Variants in GRID1 observed in about 807,000 individuals in gnomAD.
The protein encoded by GRID1 is glutamate receptor ionotropic, delta-1.
A neutral mutation model predicts 98.0 loss-of-function variants in GRID1; 28 were observed. The ratio of observed to expected loss-of-function variants is 0.29; its 90% CI spans 0.21 to 0.39. The LOEUF is 0.39. Among genes scored for constraint, GRID1 ranks in the 10% least tolerant of loss-of-function variants. The pLI, the probability that GRID1 is intolerant of heterozygous loss-of-function variation, is 1.00. For synonymous variants in GRID1, 553 were observed against 538.5 expected, an observed-to-expected ratio of 1.03 and a Z score of -0.37; for missense variants, 1,111 against 1,340.5, an observed-to-expected ratio of 0.83 and a Z score of 2.67.
At chr10:85,712,923 CCTCT>C (rs1194725293) in intron 12 of GRID1, among the ~76,000 whole-genome samples, 1 of 151,366 alleles carries the variant, frequency 6.6e-6, no homozygotes, top group East Asian at 1.9e-4. Context: ...AGCAAGAGCC[CCTCT>C]AAGAAGGAAG....
chr10:85,999,662 A>G (rs1842782466), intron 4 of GRID1, among the ~76,000 whole-genome samples: 1 of 152,250 alleles, frequency 6.6e-6, no homozygotes, highest in African/African-American at 2.4e-5. Context: ...GACTAACTCA[A>G]TATTTAAAAA....
rs534079903 is a variant in GRID1, at chr10:86,270,571, T to C, written c.236-63923A>G. ...CAGGTGTGGTGGTGCGTGCCTGTAA[T>C]CCCAGCTACTCAGGAGGCTGACGTA... On this transcript the variant is annotated intron_variant, in intron 2 of 15. Coordinates refer to ENST00000327946, the MANE Select transcript of GRID1 (RefSeq NM_017551.3). 3.3e-5 allele frequency among the ~76,000 whole-genome samples: 5 copies of C among 152,150 alleles called. No homozygotes were observed. In the South Asian group the frequency reaches 6.2e-4, roughly 19 times the overall value.
chr10:85,861,775 T>C (rs532460477), intron 6 of GRID1, among the ~76,000 whole-genome samples: 2 of 152,230 alleles, frequency 1.3e-5, no homozygotes, highest in Non-Finnish European at 2.9e-5. Flanking sequence ...ATGGAAGGCA[T>C]GTGCTCTGCA....
chr10:85,806,866 T>C (rs2131741966), intron 8 of GRID1, among the ~76,000 whole-genome samples: 1 of 152,288 alleles, frequency 6.6e-6, no homozygotes, highest in East Asian at 1.9e-4. Flanking sequence ...TGGTTACCTG[T>C]ATGAACATAT....
intron 2 of GRID1, among the ~76,000 whole-genome samples, chr10:86,329,592 T>C (rs1367293316): frequency 6.6e-6 from 1 of 152,086 alleles, no homozygotes; most frequent in Non-Finnish European, 1.5e-5. Flanking sequence ...TTTCTGAACA[T>C]ATATGCTACC....
chr10:86,297,245 C>A (rs1274930252), intron 2 of GRID1, among the ~76,000 whole-genome samples: 1 of 151,824 alleles, frequency 6.6e-6, no homozygotes, highest in African/African-American at 2.4e-5. Context: ...TATTAGAAAG[C>A]AATAACAAAG....
intron 5 of GRID1, among the ~76,000 whole-genome samples, chr10:85,893,900 C>A (rs1336986607): frequency 6.6e-6 from 1 of 151,664 alleles, no homozygotes; most frequent in East Asian, 1.9e-4. Flanking sequence ...GGCACTATCA[C>A]AAACTTCAGA....
At chr10:85,811,375 C>T (rs1229226628) in intron 8 of GRID1, among the ~76,000 whole-genome samples, 1 of 151,978 alleles carries the variant, frequency 6.6e-6, no homozygotes, top group Non-Finnish European at 1.5e-5. Context: ...AATAATTTTG[C>T]AGTAATAGAC....
At chr10:85,709,870 T>C (rs1253951602) in intron 12 of GRID1, among the ~76,000 whole-genome samples, 1 of 152,144 alleles carries the variant, frequency 6.6e-6, no homozygotes, top group East Asian at 1.9e-4. Context: ...GAGTGATATG[T>C]CTATATTTAC....
chr10:85,612,110 G>A (rs1210953498), intron 15 of GRID1, among the ~76,000 whole-genome samples: 1 of 152,240 alleles, frequency 6.6e-6, no homozygotes, highest in East Asian at 1.9e-4. Flanking sequence ...CATAAGGACA[G>A]AGAGCTCACT....
chr10:86,157,986 T>C (rs1350001375), intron 3 of GRID1, among the ~76,000 whole-genome samples: 1 of 152,210 alleles, frequency 6.6e-6, no homozygotes, highest in African/African-American at 2.4e-5. Context: ...CAGCACAGCC[T>C]AGACAATAAT....
chr10:85,947,198 G>T (rs1842064485), intron 4 of GRID1, among the ~76,000 whole-genome samples: 1 of 152,128 alleles, frequency 6.6e-6, no homozygotes, highest in African/African-American at 2.4e-5. Flanking sequence ...TTCCGCTGCA[G>T]TCAAAAAAGG....
intron 5 of GRID1, among the ~76,000 whole-genome samples, chr10:85,873,689 T>C (rs1355163290): frequency 6.6e-6 from 1 of 152,188 alleles, no homozygotes; most frequent in Non-Finnish European, 1.5e-5. Context: ...TTAGTCTCAT[T>C]TATTCTGTTT....
chr10:85,667,923 T>C (rs142177083), intron 12 of GRID1, among the ~76,000 whole-genome samples: 166 of 152,240 alleles, frequency 1.1e-3, no homozygotes, highest in African/African-American at 3.8e-3. Context: ...GAGCCAGTGC[T>C]CTCCCTGGAG....
At chr10:85,743,753 T>A (rs893868727) in intron 8 of GRID1, among the ~76,000 whole-genome samples, 15 of 152,172 alleles carry the variant, frequency 9.9e-5, no homozygotes, top group African/African-American at 3.6e-4. Context: ...GCAGAAAATT[T>A]TAGAAATTTT....
intron 8 of GRID1, among the ~76,000 whole-genome samples, chr10:85,840,220 TGAG>T (rs1842949678): frequency 6.6e-6 from 1 of 151,972 alleles, no homozygotes; most frequent in African/African-American, 2.4e-5. Context: ...TCTAAAAAAT[TGAG>T]GAGGAGAAGG....
intron 12 of GRID1, among the ~76,000 whole-genome samples, chr10:85,674,250 C>G (rs1325178341): frequency 2.0e-5 from 3 of 152,232 alleles, no homozygotes; most frequent in Admixed American, 6.5e-5. Context: ...ATGTTCTCCC[C>G]CTGTGTTCGC....
intron 8 of GRID1, among the ~76,000 whole-genome samples, chr10:85,763,870 A>G (rs1466252918): frequency 6.6e-6 from 1 of 152,178 alleles, no homozygotes; most frequent in Non-Finnish European, 1.5e-5. Flanking sequence ...GTACCAATTC[A>G]TGATCTAAGG....
At chr10:85,633,798 T>A (rs983547718) in intron 13 of GRID1, among the ~76,000 whole-genome samples, 3 of 152,122 alleles carry the variant, frequency 2.0e-5, no homozygotes, top group African/African-American at 7.2e-5. Context: ...AAATAGACTC[T>A]CACTCCTCAC....
Sources: gnomAD v4.1 joint callset for allele counts (sites outside exome capture counted in the v4.1 genomes callset) on GRCh38, gnomAD v4.1.1 for gene constraint, MANE v1.5 for transcripts, NCBI Gene and HGNC (gene_info 2026-07-23, HGNC 2026-07-21) for gene names.